Variants in PRPF39 observed in about 807,000 individuals in gnomAD.
PRPF39 encodes pre-mRNA processing factor 39.
PRPF39 carries 27 observed loss-of-function variants against 82.1 expected under a neutral mutation model. The observed-to-expected ratio is 0.33, with a 90% CI of 0.24 to 0.45. The LOEUF (loss-of-function observed/expected upper bound fraction) is 0.45, where lower values mean the gene tolerates loss of function less well. PRPF39 is among the 20% of genes least tolerant of loss of function. The probability of loss-of-function intolerance (pLI) is 1.00; values close to 1 mark genes in which losing one functional copy is unlikely to be tolerated. For missense variants in PRPF39, 581 were observed against 796.9 expected, an observed-to-expected ratio of 0.73 and a Z score of 3.26; for synonymous variants, 261 against 256.4, an observed-to-expected ratio of 1.02 and a Z score of -0.17.
Position 45,110,607 on chromosome 14 carries a change from G to T in PRPF39, c.1362G>T (p.Leu454Phe). ...CATTTGAAGAATGTGTTCTAGGATT[G>T]GCAATGGTTCGTTTACGAAGAGTAA... The part of the protein sequence containing the change: ...LKTFEECVLG[L>F]AMVRLRRVSL... Residue 454 changes from leucine to phenylalanine, a missense_variant, in exon 10 of 14, where the codon TTG becomes TTT. By Grantham distance (22) the Leu-to-Phe change is conservative. Coordinates refer to ENST00000355765, the MANE Select transcript of PRPF39 (RefSeq NM_017922.4). The surrounding 1 kb of genome is among the most constrained non-coding windows in gnomAD (Gnocchi z 4.0). 1 of 1,571,412 alleles carries T rather than the reference G, an allele frequency of 6.4e-7. No individual in the cohort carries two copies. Among genetic ancestry groups the T allele is most frequent in the East Asian group, 2.3e-5 (1 of 43,190 alleles).
intron 1 of PRPF39, among the ~76,000 whole-genome samples, chr14:45,094,934 T>A (rs1392235766): frequency 6.6e-6 from 1 of 152,222 alleles, no homozygotes; most frequent in Non-Finnish European, 1.5e-5. Flanking sequence ...TATTTCTTCA[T>A]TGGGTAGCAG....
Position 45,096,170 on chromosome 14 carries a change from AC to A in PRPF39, c.393del (p.Trp132GlyfsTer39). 6.3e-7 allele frequency: 1 copy of A among 1,591,844 alleles called. No homozygotes were observed. Among genetic ancestry groups the A allele is most frequent in the Non-Finnish European group, 8.6e-7 (1 of 1,168,228 alleles). On this transcript the variant is annotated frameshift_variant, in exon 3 of 14. Transcript: ENST00000355765. LOFTEE classifies it high-confidence loss of function. ...ATACACTATCCGTATTGCTATGGTTACTGGAAAAAGTATGCAGACCTTGAAA... is the reference window on the plus strand; with the variant it reads ...ATACACTATCCGTATTGCTATGGTTATGGAAAAAGTATGCAGACCTTGAAA... ...FFIHYPYCYGYWKKYADLEKR... is the reference protein window; with the variant it reads ...FFIHYPYCYGXWKKYADLEKR...
intron 1 of PRPF39, among the ~76,000 whole-genome samples, chr14:45,086,729 A>T (rs1883839194): frequency 6.6e-6 from 1 of 152,114 alleles, no homozygotes; most frequent in African/African-American, 2.4e-5. Flanking sequence ...AACAAAACTG[A>T]TAAGGCCTCA....
Position 45,108,538 on chromosome 14 carries a change from T to C in PRPF39, c.1011+16T>C. 1 of 1,578,230 alleles carries C rather than the reference T, an allele frequency of 6.3e-7. No individual in the cohort carries two copies. The highest frequency in any genetic ancestry group is 1.2e-5 in the South Asian group (1 of 83,326). On this transcript the variant is annotated intron_variant, in intron 7 of 13. Coordinates refer to ENST00000355765, the MANE Select transcript of PRPF39 (RefSeq NM_017922.4). ...TGAAGAAGGTGTAAGTGTTTTTGTT[T>C]TGTAATAGTCTTTAAAATACAAAGT...
chr14:45,101,226 T>G (rs1211466072), intron 4 of PRPF39, among the ~76,000 whole-genome samples: 2 of 152,244 alleles, frequency 1.3e-5, no homozygotes, highest in Admixed American at 6.5e-5. Context: ...AATTTGATTT[T>G]TTCTTGTTCC....
chr14:45,108,585 C>A, intron 7 of PRPF39, 63 bp downstream of exon 7: 2 of 1,523,936 alleles, frequency 1.3e-6, no homozygotes, highest in Non-Finnish European at 1.7e-6. Context: ...ATTTTTCTTT[C>A]AATTTTGATA....
chr14:45,107,783 G>A (rs1884581289), intron 6 of PRPF39, among the ~76,000 whole-genome samples, 167 bp downstream of exon 6: 1 of 152,148 alleles, frequency 6.6e-6, no homozygotes, highest in Admixed American at 6.6e-5. Flanking sequence ...ACAAAAATTA[G>A]CCAGGTGTGG....
chr14:45,089,495 G>T (rs1482280692), intron 1 of PRPF39, among the ~76,000 whole-genome samples: 1 of 152,062 alleles, frequency 6.6e-6, no homozygotes, highest in Non-Finnish European at 1.5e-5. Context: ...TTGAGGCAGG[G>T]TCTGGCTCTG....
At chr14:45,087,296 C>T (rs1356346622) in intron 1 of PRPF39, among the ~76,000 whole-genome samples, 3 of 152,164 alleles carry the variant, frequency 2.0e-5, no homozygotes, top group Non-Finnish European at 2.9e-5. Context: ...GACAGCATTT[C>T]CCTATGTTGC....
intron 1 of PRPF39, among the ~76,000 whole-genome samples, chr14:45,091,585 G>T (rs1884028518): frequency 6.6e-6 from 1 of 152,138 alleles, no homozygotes; most frequent in East Asian, 1.9e-4. Context: ...ATTTTGCAGA[G>T]ATCTGGCTTT....
At position 45,114,674 on chromosome 14, in the gene PRPF39, T is replaced by C. The variant is rs756576516; in HGVS notation, c.1953+60T>C. The C allele has an allele frequency of 4.5e-6, 7 of 1,548,888 alleles. No individual in the cohort carries two copies. In the South Asian group the frequency reaches 6.2e-5, roughly 14 times the overall value. On this transcript the variant is annotated intron_variant, in intron 13 of 13. Coordinates refer to ENST00000355765, the MANE Select transcript of PRPF39 (RefSeq NM_017922.4). The stretch of plus-strand genomic sequence containing the variant: ...ATGTTATTAGCATAAATTAGGATAG[T>C]TTCTTTTTTTTTAAAAAAAGTTTTT...
chr14:45,098,317 C>T (rs912459363), intron 4 of PRPF39, among the ~76,000 whole-genome samples: 87 of 152,032 alleles, frequency 5.7e-4, no homozygotes, highest in African/African-American at 2.0e-3. Context: ...GTGGCGCATG[C>T]CTGTAGTTCT....
At chr14:45,109,830 T>C (rs758790237) in intron 8 of PRPF39, 50 bp downstream of exon 8, 1 of 1,535,148 alleles carries the variant, frequency 6.5e-7, no homozygotes. Context: ...AACATTGATC[T>C]AGTGACTAAC....
In PRPF39 at chr14:45,115,001, T is replaced by C; in HGVS notation, c.*88T>C. The C allele has an allele frequency of 9.8e-7, 1 of 1,017,850 alleles. No individual in the cohort carries two copies. Among genetic ancestry groups the C allele is most frequent in the Non-Finnish European group, 1.5e-6 (1 of 683,784 alleles). 63.1% of individuals were successfully genotyped at this position (1,017,850 alleles called of 1,614,324 possible). A position where few individuals can be genotyped will look rare whatever the true frequency, so the allele number is the denominator to read the frequency against. On this transcript the variant is annotated 3_prime_UTR_variant, in exon 14 of 14. Transcript: ENST00000355765. ...GAGGGATGTAAACAGTATAAGCTTG[T>C]TGTATTTGATAACCTGTCTTCCTTG... is the stretch of plus-strand genomic sequence containing the variant.
rs1884574397 is a variant in PRPF39 at position 45,107,605 on chromosome 14, G to A, written c.892G>A (p.Asp298Asn). Reference protein sequence around the residue: ...DLPSGIEDITDPAKLITEIEN... With the variant: ...DLPSGIEDITNPAKLITEIEN... ...ACCATCGGGAATTGAAGACATAACC[G>A]ATCCTGCAAAGGTAACCAGTCTTAT... is the stretch of plus-strand genomic sequence containing the variant. Residue 298 changes from aspartate (D) to asparagine (N), a missense_variant, in exon 6 of 14, where the codon GAT becomes AAT. Physicochemically the swap from Asp to Asn is conservative, Grantham distance 23. Transcript: ENST00000355765. 1 of 1,551,610 alleles carries A rather than the reference G, an allele frequency of 6.4e-7. No individual in the cohort carries two copies. Among genetic ancestry groups the A allele is most frequent in the African/African-American group, 1.4e-5 (1 of 73,004 alleles).
chr14:45,100,943 TTCTA>T (rs1347850502), intron 4 of PRPF39, among the ~76,000 whole-genome samples: 2 of 152,216 alleles, frequency 1.3e-5, no homozygotes, highest in African/African-American at 2.4e-5. Context: ...TGAATTTAAT[TTCTA>T]TCTGTCGTGA....
chr14:45,096,083 T>A lies in PRPF39; in HGVS notation c.325-20T>A. 6.5e-7 allele frequency: 1 copy of A among 1,535,754 alleles called. No individual in the cohort carries two copies. Among genetic ancestry groups the A allele is most frequent in the East Asian group, 2.4e-5 (1 of 41,174 alleles). On this transcript the variant is annotated intron_variant, in intron 2 of 13. Coordinates refer to ENST00000355765, the MANE Select transcript of PRPF39 (RefSeq NM_017922.4). ...GACAGAAATTTCCACAATATTTAAA[T>A]ACTGTTTTATTTTTATCAGAATCAC...
At chr14:45,111,995 T>C (rs1884712465) in intron 10 of PRPF39, among the ~76,000 whole-genome samples, 1 of 152,192 alleles carries the variant, frequency 6.6e-6, no homozygotes. Context: ...TAGAGATTTT[T>C]TTTTATGTTT....
intron 12 of PRPF39, 22 bp from the exon 13 acceptor site, chr14:45,114,472 T>G (rs2139070557): frequency 1.3e-6 from 2 of 1,543,712 alleles, no homozygotes; most frequent in East Asian, 2.3e-5. Flanking sequence ...TTTGAAAGTT[T>G]CCATTCTGAC....
Sources: allele counts gnomAD v4.1 joint callset (sites outside exome capture counted in the v4.1 genomes callset), GRCh38; gene constraint gnomAD v4.1.1; non-coding constraint Gnocchi (gnomAD v3.1); transcripts MANE v1.5; gene names NCBI Gene and HGNC (gene_info 2026-07-23, HGNC 2026-07-21).